The following REV3L variants were observed in gnomAD, a reference collection of about 807,000 sequenced individuals.
REV3L encodes DNA polymerase zeta catalytic subunit.
In REV3L, 69 loss-of-function variants were observed where a neutral mutation model predicts 299.4. The observed-to-expected ratio is 0.23, with a 90% CI of 0.19 to 0.28. REV3L has a LOEUF of 0.28. Ranked by LOEUF, REV3L falls within the 10% of genes least tolerant of loss-of-function variation. The pLI is 1.00. For synonymous variants in REV3L, 1,238 were observed against 1,271.4 expected, an observed-to-expected ratio of 0.97 and a Z score of 0.56; for missense variants, 3,128 against 3,693.8, an observed-to-expected ratio of 0.85 and a Z score of 3.97.
At position 111,333,249 on chromosome 6, in the gene REV3L, T is replaced by C; in HGVS notation, c.7799A>G (p.Glu2600Gly). 1 of 1,614,112 alleles carries C rather than the reference T, an allele frequency of 6.2e-7. No homozygotes were observed. Among genetic ancestry groups the C allele is most frequent in the Non-Finnish European group, 8.5e-7 (1 of 1,180,002 alleles). The change falls in exon 23 of 32, where the codon GAG becomes GGG. Residue 2600 changes from glutamate to glycine, a missense_variant. Glu to Gly is a moderately conservative substitution (Grantham distance 98). This residue lies in a region of REV3L where 149 missense variants were observed against 286.4 expected (regional missense o/e 0.52). Transcript: ENST00000368802. ...RAPQCVPLIM[E>G]PESRFYSNSV... ...GTTGCTATAGAAGCGGGATTCAGGC[T>C]CCATAATTAGAGGAACACACTGTGG... is the stretch of plus-strand genomic sequence containing the variant.
At chr6:111,390,633 G>A (rs1562241143) in intron 5 of REV3L, among the ~76,000 whole-genome samples, 1 of 152,110 alleles carries the variant, frequency 6.6e-6, no homozygotes, top group Non-Finnish European at 1.5e-5. Context: ...TGAGAAATGG[G>A]CAAACGATAT....
intron 18 of REV3L, among the ~76,000 whole-genome samples, chr6:111,355,597 GA>G (rs1778006501): frequency 6.6e-6 from 1 of 152,050 alleles, no homozygotes; most frequent in Non-Finnish European, 1.5e-5. Context: ...GGACATTTAA[GA>G]AAGTTATTAT....
intron 18 of REV3L, 100 bp downstream of exon 18, chr6:111,356,914 C>T (rs569919534): frequency 2.1e-5 from 11 of 533,020 alleles, no homozygotes; most frequent in African/African-American, 3.9e-5. Context: ...GGAAGGGATT[C>T]GCTTTCTTCC....
chr6:111,430,667 G>A (rs890732655), intron 1 of REV3L: 11 of 1,520,012 alleles, frequency 7.2e-6, no homozygotes, highest in Non-Finnish European at 1.0e-5. Flanking sequence ...CTCTGGAGAT[G>A]CCAAAGCACA....
rs552881736 is a variant in REV3L, at chr6:111,440,753, C to T, written c.140-24281G>A. On this transcript the variant is annotated intron_variant, in intron 1 of 31. Coordinates refer to ENST00000368802, the MANE Select transcript of REV3L (RefSeq NM_001372078.1). ...TTCCTTTTCTCTGGAGAACTTCTAA[C>T]ATTTCTTATAAGGCAAGTAACATTT... Among the ~76,000 whole-genome samples, 7 of 152,322 alleles carry T rather than the reference C, an allele frequency of 4.6e-5. No homozygotes were observed. In the South Asian group the frequency reaches 1.2e-3, roughly 27 times the overall value.
At chr6:111,416,547 T>A in intron 1 of REV3L, 75 bp from the exon 2 acceptor site, 1 of 1,218,190 alleles carries the variant, frequency 8.2e-7, no homozygotes, top group Non-Finnish European at 1.2e-6. Context: ...GAAACTCATT[T>A]AAATGTTCTA....
chr6:111,372,947 G>A lies in REV3L; in HGVS notation c.5408C>T (p.Thr1803Ile). The change falls in exon 13 of 32, where the codon ACC (threonine) becomes ATC (isoleucine). Residue 1803 changes from threonine (T) to isoleucine (I), a missense_variant. Coordinates refer to ENST00000368802, the MANE Select transcript of REV3L (RefSeq NM_001372078.1). ...PNNSDWIQGH[T>I]RKEMGQSLDS... ...AAGAGACTGTCCCATTTCTTTTCTG[G>A]TGTGACCTTGAATCCAGTCTGAATT... 6.2e-7 allele frequency: 1 copy of A among 1,614,066 alleles called. No homozygotes were observed. The highest frequency in any genetic ancestry group is 8.5e-7 in the Non-Finnish European group (1 of 1,179,992).
rs1562287102 is a variant in REV3L, at chr6:111,422,615, CATATATATATATATACACAT to C, written c.140-6163_140-6144del. On this transcript the variant is annotated intron_variant, in intron 1 of 31. Transcript: ENST00000368802. ...ATATACACATATATATATATATACA[CATATATATATATATACACAT>C]ATATATATATATACATATATATATA... Among the ~76,000 whole-genome samples the C allele has an allele frequency of 2.3e-3, 32 of 13,650 alleles. 5 individuals carry two copies. Among genetic ancestry groups the C allele is most frequent in the African/African-American group, 3.7e-3 (22 of 5,878 alleles). The allele number at this position is 13,650 out of a possible 152,430, so 9.0% of individuals were successfully genotyped here.
intron 1 of REV3L, among the ~76,000 whole-genome samples, chr6:111,422,363 C>CTTG (rs1373191733): frequency 6.6e-6 from 1 of 151,578 alleles, no homozygotes; most frequent in Non-Finnish European, 1.5e-5. Flanking sequence ...CCCTACAACC[C>CTTG]TCAAAACCTA....
chr6:111,351,285 C>G (rs1368701149), intron 19 of REV3L, among the ~76,000 whole-genome samples: 1 of 151,118 alleles, frequency 6.6e-6, no homozygotes, highest in Non-Finnish European at 1.5e-5. Context: ...TATGGTACAA[C>G]AAGTCAAAGA....
chr6:111,452,817 AAAG>A (rs1789711262), intron 1 of REV3L, among the ~76,000 whole-genome samples: 1 of 152,202 alleles, frequency 6.6e-6, no homozygotes, highest in Non-Finnish European at 1.5e-5. Flanking sequence ...GATTAAAGAA[AAAG>A]AACAGGGGAA....
At chr6:111,383,102 C>T (rs1781002334) in intron 9 of REV3L, among the ~76,000 whole-genome samples, 1 of 152,188 alleles carries the variant, frequency 6.6e-6, no homozygotes. Context: ...GACACTCAGG[C>T]AGTACTTGCT....
intron 11 of REV3L, among the ~76,000 whole-genome samples, chr6:111,379,024 C>T (rs545671805): frequency 1.5e-4 from 23 of 152,144 alleles, no homozygotes; most frequent in Non-Finnish European, 2.6e-4. Context: ...TTCAATCTCT[C>T]TCTAATATAT....
intron 26 of REV3L, among the ~76,000 whole-genome samples, chr6:111,316,360 CAACTT>C (rs1446043284): frequency 2.0e-5 from 3 of 151,692 alleles, no homozygotes; most frequent in African/African-American, 7.3e-5. Flanking sequence ...TAGAATCACT[CAACTT>C]AAAAAAGAAA....
chr6:111,467,089 G>T (rs1350055044), intron 1 of REV3L, among the ~76,000 whole-genome samples: 1 of 152,172 alleles, frequency 6.6e-6, no homozygotes, highest in African/African-American at 2.4e-5. Context: ...ATCACTTAAG[G>T]ATTCCTATTT....
chr6:111,376,620 A>G lies in REV3L; in HGVS notation c.1735T>C (p.Cys579Arg). 3.7e-6 allele frequency: 6 copies of G among 1,613,322 alleles called. No homozygotes were observed. Among genetic ancestry groups the G allele is most frequent in the Non-Finnish European group, 5.1e-6 (6 of 1,179,892 alleles). ...GAAGAAAGGGCACTTGTGTGTTTAC[A>G]CTGAAAGGTAATCTTAGCAGAAGAT... The part of the protein sequence containing the change: ...PSSSAKITFQ[C>R]KHTSALSSHV... The change falls in exon 13 of 32, where the codon TGT (cysteine) becomes CGT (arginine). Residue 579 changes from cysteine to arginine, a missense_variant. Cys to Arg is a radical substitution (Grantham distance 180, BLOSUM62 -3). Coordinates refer to ENST00000368802, the MANE Select transcript of REV3L (RefSeq NM_001372078.1).
intron 1 of REV3L, among the ~76,000 whole-genome samples, chr6:111,440,808 A>G (rs1788177336): frequency 6.6e-6 from 1 of 152,044 alleles, no homozygotes; most frequent in Admixed American, 6.5e-5. Flanking sequence ...CTCAATGTTT[A>G]TTTGTCTGAG....
At chr6:111,437,857 CATA>C (rs1787765445) in intron 1 of REV3L, among the ~76,000 whole-genome samples, 1 of 151,742 alleles carries the variant, frequency 6.6e-6, no homozygotes, top group Admixed American at 6.6e-5. Flanking sequence ...AATAAACTTA[CATA>C]ATTTTTTTTT....
intron 26 of REV3L, among the ~76,000 whole-genome samples, chr6:111,317,152 C>T (rs1314251439): frequency 2.0e-5 from 3 of 151,934 alleles, no homozygotes; most frequent in Non-Finnish European, 4.4e-5. Context: ...GCCATATAAA[C>T]CAATCTCATA....
Sources: gnomAD v4.1 joint callset for allele counts (sites outside exome capture counted in the v4.1 genomes callset) on GRCh38, gnomAD v4.1.1 for gene constraint, gnomAD v4.1.1 regional missense constraint, MANE v1.5 for transcripts, NCBI Gene and HGNC (gene_info 2026-07-23, HGNC 2026-07-21) for gene names.